The following TMBIM6 variants were observed in gnomAD, a reference collection of about 807,000 sequenced individuals.
The protein encoded by TMBIM6 is transmembrane BAX inhibitor motif containing 6.
A neutral mutation model predicts 31.4 loss-of-function variants in TMBIM6; 13 were observed. The ratio of observed to expected loss-of-function variants is 0.41; its 90% CI spans 0.27 to 0.66. The LOEUF is 0.66. TMBIM6 is among the 30% of genes least tolerant of loss of function. The pLI is 0.28. For missense variants in TMBIM6, 275 were observed against 289.5 expected (o/e 0.95, Z 0.36); for synonymous variants, 85 against 101.7 (o/e 0.84, Z 0.99).
chr12:49,763,144 CCTCTA>C lies in TMBIM6; in HGVS notation c.*252_*256del. The C allele has an allele frequency of 2.6e-6, 1 of 386,992 alleles. No homozygotes were observed. Among genetic ancestry groups the C allele is most frequent in the Non-Finnish European group, 4.8e-6 (1 of 209,622 alleles). The allele number at this position is 386,992 out of a possible 1,614,324, so 24.0% of individuals were successfully genotyped here. On this transcript the variant is annotated 3_prime_UTR_variant, in exon 10 of 10. Coordinates refer to ENST00000267115, the MANE Select transcript of TMBIM6 (RefSeq NM_003217.3). Reference sequence around the variant, plus strand: ...TTGTCAACCCCATCTGTAGCCTCTTCCTCTACTCAGGCAGTCGACCCGCCACGATG... The same window carrying C: ...TTGTCAACCCCATCTGTAGCCTCTTCCTCAGGCAGTCGACCCGCCACGATG...
rs191728675 is a variant in TMBIM6, at chr12:49,758,288, G to A, written c.335+13G>A. ...CTGTCAACCCCAGGTAACTCTTTTG[G>A]TAGTGTCTTATGTGCTTTTATCTTT... On this transcript the variant is annotated intron_variant, in intron 5 of 9. Transcript: ENST00000267115. 10,893 of 1,614,172 alleles carry A rather than the reference G, an allele frequency of 6.7e-3. 51 individuals carry two copies. The highest frequency in any genetic ancestry group is 8.5e-3 in the Non-Finnish European group (9,983 of 1,179,986).
rs1945655170 is a variant in TMBIM6 at position 49,758,736 on chromosome 12, T to A, written c.487T>A (p.Phe163Ile). The change falls in exon 7 of 10, where the codon TTC (phenylalanine) becomes ATC (isoleucine). Residue 163 changes from phenylalanine to isoleucine, a missense_variant. By Grantham distance (21) the Phe-to-Ile change is conservative (BLOSUM62 0). Transcript: ENST00000267115. ...LLLLSSLGNV[F>I]FGSIWLFQAN... ...GCTTTTGTCTTCCCTGGGGAATGTT[T>A]TCTTTGGATCCATTTGGCTTTTCCA... 1.2e-6 allele frequency: 2 copies of A among 1,614,052 alleles called. No homozygotes were observed. Among genetic ancestry groups the A allele is most frequent in the African/African-American group, 1.3e-5 (1 of 74,910 alleles).
At chr12:49,759,805 CAAAAAAAA>C (rs57668484) in intron 8 of TMBIM6, among the ~76,000 whole-genome samples, 1 of 91,658 alleles carries the variant, frequency 1.1e-5, no homozygotes, top group African/African-American at 3.2e-5. Context: ...GACCCTGTCT[CAAAAAAAA>C]AAAAAAAAAA....
chr12:49,759,473 C>T (rs1179546641), intron 8 of TMBIM6, 152 bp downstream of exon 8: 4 of 651,110 alleles, frequency 6.1e-6, no homozygotes, highest in Non-Finnish European at 1.1e-5. Context: ...GTACCATAAT[C>T]TTCCTCAATT....
At chr12:49,742,070 T>G in intron 1 of TMBIM6, 3 of 1,565,284 alleles carry the variant, frequency 1.9e-6, no homozygotes, top group Non-Finnish European at 2.6e-6. Context: ...GGCGGGTCCT[T>G]TGGTCGGGCT....
chr12:49,742,447 C>G (rs1357555875), intron 1 of TMBIM6: 2 of 943,204 alleles, frequency 2.1e-6, no homozygotes. Context: ...GAATTACTAC[C>G]CGGTGCCAGC....
At chr12:49,756,761 A>G in intron 4 of TMBIM6, among the ~76,000 whole-genome samples, 1 of 120,166 alleles carries the variant, frequency 8.3e-6, no homozygotes, top group African/African-American at 3.3e-5. Flanking sequence ...TTTGAGACTG[A>G]GTTTCACTCT....
At chr12:49,742,503 C>G (rs768074728) in intron 1 of TMBIM6, 8 of 473,584 alleles carry the variant, frequency 1.7e-5, no homozygotes, top group Non-Finnish European at 2.5e-5. Flanking sequence ...ACCCCCACAA[C>G]AAAAATCACT....
In TMBIM6 at chr12:49,763,048, C is replaced by A. The variant is rs1945750116; in HGVS notation, c.*152C>A. On this transcript the variant is annotated 3_prime_UTR_variant, in exon 10 of 10. Transcript: ENST00000267115. ...TTTCCTCTATTTTGAATTTTTTGAT[C>A]AAAAAACTGATTAGCAGAATATAGT... The A allele has an allele frequency of 3.6e-6, 3 of 835,924 alleles. No homozygotes were observed. The highest frequency in any genetic ancestry group is 4.8e-5 in the Admixed American group (2 of 41,658). The allele number at this position is 835,924 out of a possible 1,614,324, so 51.8% of individuals were successfully genotyped here. A position where few individuals can be genotyped will look rare whatever the true frequency, so the allele number is the denominator to read the frequency against.
At chr12:49,757,999 T>A (rs996617898) in intron 4 of TMBIM6, among the ~76,000 whole-genome samples, 1 of 152,158 alleles carries the variant, frequency 6.6e-6, no homozygotes, top group Non-Finnish European at 1.5e-5. Flanking sequence ...ATCCATGATT[T>A]TCAGCTAAGA....
At chr12:49,762,495 G>A (rs891332334) in intron 9 of TMBIM6, among the ~76,000 whole-genome samples, 7 of 152,184 alleles carry the variant, frequency 4.6e-5, no homozygotes, top group South Asian at 2.1e-4. Flanking sequence ...AGCACTTCTC[G>A]CGCCTAATGG....
rs3832814 is a variant in TMBIM6 at position 49,764,194 on chromosome 12, T to TC, written c.*1300dup. 0.21 allele frequency: 31,859 copies of TC among 151,992 alleles called. 5,512 individuals are homozygous for TC. The highest frequency in any genetic ancestry group is 0.48 in the African/African-American group (20,023 of 41,358). The allele number at this position is 151,992 out of a possible 1,614,324, so 9.4% of individuals were successfully genotyped here. On this transcript the variant is annotated 3_prime_UTR_variant, in exon 10 of 10. Transcript: ENST00000267115. The stretch of plus-strand genomic sequence containing the variant: ...GTCCTAATGGGGATCTCCAGCTCCT[T>TC]CCTGTGGGCTGCCACAGACAGCTAC...
At chr12:49,743,913 CAG>C (rs1169028997) in intron 1 of TMBIM6, among the ~76,000 whole-genome samples, 3 of 152,166 alleles carry the variant, frequency 2.0e-5, no homozygotes, top group African/African-American at 7.2e-5. Context: ...TGATTTCACA[CAG>C]ATTTTCTTAT....
intron 4 of TMBIM6, among the ~76,000 whole-genome samples, chr12:49,757,262 T>C (rs572300900): frequency 8.5e-5 from 13 of 152,352 alleles, no homozygotes; most frequent in African/African-American, 2.4e-4. Flanking sequence ...TACTTTTGTG[T>C]CCAAAAATAG....
chr12:49,748,203 GT>G (rs569358306), intron 1 of TMBIM6, among the ~76,000 whole-genome samples: 3 of 148,244 alleles, frequency 2.0e-5, no homozygotes, highest in Non-Finnish European at 1.5e-5. Context: ...CACCCAGCCT[GT>G]TTTTTTTTTG....
rs139819267 is a variant in TMBIM6 at position 49,758,448 on chromosome 12, A to G, written c.401A>G (p.Tyr134Cys). The change falls in exon 6 of 10, where the codon TAT becomes TGT. Residue 134 changes from tyrosine (Y) to cysteine (C), a missense_variant. Tyr to Cys is a radical substitution (Grantham distance 194). Coordinates refer to ENST00000267115, the MANE Select transcript of TMBIM6 (RefSeq NM_003217.3). ...IFTCFTLSAL[Y>C]ARRRSYLFLG... ...ACCTGCTTCACCCTCAGTGCACTCT[A>G]TGCCAGGCGCCGTAGCTACCTCTTT... 1.1e-4 allele frequency: 177 copies of G among 1,614,024 alleles called. No individual in the cohort carries two copies. The highest frequency in any genetic ancestry group is 1.5e-4 in the Non-Finnish European group (172 of 1,180,024).
rs17123947 is a variant in TMBIM6, at chr12:49,763,108, C to T, written c.*212C>T. On this transcript the variant is annotated 3_prime_UTR_variant, in exon 10 of 10. Transcript: ENST00000267115. ...GGCTTCATCTTCCTGGGGTTCCCCTCACTCCCTTTTTTGTCAACCCCATCT... is the reference window on the plus strand; with the variant it reads ...GGCTTCATCTTCCTGGGGTTCCCCTTACTCCCTTTTTTGTCAACCCCATCT... 1,430 of 454,578 alleles carry T rather than the reference C, an allele frequency of 3.1e-3. 25 individuals carry two copies. In the East Asian group the frequency reaches 0.041, roughly 13 times the overall value. The allele number at this position is 454,578 out of a possible 1,614,324, so 28.2% of individuals were successfully genotyped here. A position where few individuals can be genotyped will look rare whatever the true frequency, so the allele number is the denominator to read the frequency against.
At chr12:49,744,733 G>T (rs926790517) in intron 1 of TMBIM6, among the ~76,000 whole-genome samples, 1 of 152,194 alleles carries the variant, frequency 6.6e-6, no homozygotes, top group South Asian at 2.1e-4. Context: ...TCCAAAACAC[G>T]TGAAAAAGGA....
intron 1 of TMBIM6, among the ~76,000 whole-genome samples, chr12:49,746,770 CAGAAGA>C (rs200550544): frequency 1.4e-4 from 21 of 151,972 alleles, no homozygotes; most frequent in South Asian, 4.2e-4. Context: ...GCCAAAAACA[CAGAAGA>C]AGAAGAAGAA....
Sources: gnomAD v4.1 joint callset for allele counts (sites outside exome capture counted in the v4.1 genomes callset) on GRCh38, gnomAD v4.1.1 for gene constraint, MANE v1.5 for transcripts, NCBI Gene and HGNC (gene_info 2026-07-23, HGNC 2026-07-21) for gene names.